Variants in ANHX observed in about 807,000 individuals in gnomAD.
ANHX encodes the protein anomalous homeobox, also known as anomalous homeobox protein.
Under a neutral mutation model 38.9 loss-of-function variants are expected in ANHX, and 20 were observed. The observed-to-expected ratio is 0.51, with a 90% CI of 0.36 to 0.75. The LOEUF (loss-of-function observed/expected upper bound fraction) is 0.75. ANHX is among the 30% of genes least tolerant of loss of function. The pLI, the probability that ANHX is intolerant of heterozygous loss-of-function variation, is 0.00. For missense variants in ANHX, 475 were observed against 493.1 expected (o/e 0.96, Z 0.35); for synonymous variants, 185 against 203.1 (o/e 0.91, Z 0.76).
At chr12:133,226,488 A>G in intron 5 of ANHX, 50 bp from the exon 6 acceptor site, 1 of 1,500,492 alleles carries the variant, frequency 6.7e-7, no homozygotes, top group South Asian at 1.3e-5. Flanking sequence ...CTGGTTCCCA[A>G]CCTCCTTCCC....
rs1490882001 is a variant in ANHX, at chr12:133,227,045, C to G, written c.609G>C (p.Gln203His). 6.5e-7 allele frequency: 1 copy of G among 1,536,062 alleles called. No individual in the cohort carries two copies. The highest frequency in any genetic ancestry group is 1.2e-5 in the South Asian group (1 of 84,058). Residue 203 changes from glutamine to histidine, a missense_variant, in exon 5 of 10, where the codon CAG becomes CAC. Transcript: ENST00000545940. ...CACCAGGGTCTTCAGCTGTGGCCTG[C>G]TGGGCTGGCTTCATGTGCTGGGGAA... ...RALPQHMKPA[Q>H]QATAEDPGAR...
chr12:133,226,001 AG>A (rs1957183975), intron 6 of ANHX, among the ~76,000 whole-genome samples, 173 bp from the exon 7 acceptor site: 1 of 152,182 alleles, frequency 6.6e-6, no homozygotes. Flanking sequence ...AACAAACCAC[AG>A]GGACAGCTGG....
At position 133,231,552 on chromosome 12, in the gene ANHX, C is replaced by T. The variant is rs1165214435; in HGVS notation, c.342G>A (p.Ala114=). The T allele has an allele frequency of 4.6e-6, 7 of 1,535,976 alleles. No individual in the cohort carries two copies. Among genetic ancestry groups the T allele is most frequent in the African/African-American group, 4.1e-5 (3 of 73,040 alleles). ...AGCGGAACTTCTGCACCGGGGTGAG[C>T]GCAGCCACGCCCAGCCTCCTCATGA... The part of the protein sequence containing the change: ...RLVMRRLGVA[A]LTPVQKFRCR... Residue 114 remains alanine (A), a synonymous_variant, in exon 3 of 10, where the codon GCG becomes GCA. Coordinates refer to ENST00000545940, the MANE Select transcript of ANHX (RefSeq NM_001372060.1).
chr12:133,232,170 A>T (rs994040189), intron 2 of ANHX, among the ~76,000 whole-genome samples: 1 of 77,312 alleles, frequency 1.3e-5, no homozygotes, highest in African/African-American at 4.6e-5. Context: ...TCCCTCAGGT[A>T]CTCGGCACAA....
chr12:133,220,692 C>G (rs1193455272), intron 8 of ANHX, among the ~76,000 whole-genome samples: 1 of 151,804 alleles, frequency 6.6e-6, no homozygotes, highest in Non-Finnish European at 1.5e-5. Context: ...CACCAGAGGA[C>G]CCCAGGCCAC....
chr12:133,223,095 A>T (rs1207064262), intron 7 of ANHX, among the ~76,000 whole-genome samples: 4 of 152,232 alleles, frequency 2.6e-5, no homozygotes, highest in African/African-American at 9.6e-5. Context: ...AGGCTGAGGC[A>T]GGAGAATCGC....
rs535214119 is a variant in ANHX at position 133,231,611 on chromosome 12, C to G, written c.283G>C (p.Val95Leu). ...CQVPGGSQELVQLWNDIHYRL... is the reference protein window; with the variant it reads ...CQVPGGSQELLQLWNDIHYRL... Reference sequence around the variant, plus strand: ...TAGTGGATGTCGTTCCAGAGCTGCACTAACTCCTGGCTGCCTCCCGGCACC... The same window carrying G: ...TAGTGGATGTCGTTCCAGAGCTGCAGTAACTCCTGGCTGCCTCCCGGCACC... Residue 95 changes from valine (V) to leucine (L), a missense_variant, in exon 3 of 10, where the codon GTG (valine) becomes CTG (leucine). Coordinates refer to ENST00000545940, the MANE Select transcript of ANHX (RefSeq NM_001372060.1). 3.3e-6 allele frequency: 5 copies of G among 1,536,104 alleles called. No homozygotes were observed. Among genetic ancestry groups the G allele is most frequent in the Admixed American group, 2.0e-5 (1 of 51,012 alleles).
intron 7 of ANHX, among the ~76,000 whole-genome samples, chr12:133,223,942 T>C (rs1292862058): frequency 2.0e-5 from 3 of 152,146 alleles, no homozygotes; most frequent in Non-Finnish European, 4.4e-5. Flanking sequence ...CCTTGCAAAA[T>C]TGTTAACCAA....
In ANHX at chr12:133,234,223, G is replaced by C; in HGVS notation, c.134C>G (p.Ala45Gly). The C allele has an allele frequency of 6.5e-7, 1 of 1,536,184 alleles. No homozygotes were observed. The highest frequency in any genetic ancestry group is 2.0e-5 in the Admixed American group (1 of 51,012). ...CAGGCGGAGCTGGCTGTCCAGAATG[G>C]CTGTGACCAAAGGCTGCAGTTGGGC... ...DLAQLQPLVT[A>G]ILDSQLRLHL... Residue 45 changes from alanine to glycine, a missense_variant, in exon 2 of 10, where the codon GCC (alanine) becomes GGC (glycine). Coordinates refer to ENST00000545940, the MANE Select transcript of ANHX (RefSeq NM_001372060.1).
chr12:133,222,431 G>A (rs1313229277), intron 7 of ANHX, among the ~76,000 whole-genome samples: 2 of 152,268 alleles, frequency 1.3e-5, no homozygotes, highest in East Asian at 3.9e-4. Flanking sequence ...GGAACCCGAA[G>A]GCAGGGGTTT....
At chr12:133,227,330 G>A (rs1957203648) in intron 4 of ANHX, among the ~76,000 whole-genome samples, 178 bp from the exon 5 acceptor site, 1 of 152,204 alleles carries the variant, frequency 6.6e-6, no homozygotes, top group Non-Finnish European at 1.5e-5. Context: ...CACCTCCCTG[G>A]GCTGATCCCC....
At chr12:133,229,501 T>G (rs565283280) in intron 3 of ANHX, among the ~76,000 whole-genome samples, 8 of 151,342 alleles carry the variant, frequency 5.3e-5, no homozygotes, top group Non-Finnish European at 1.0e-4. Context: ...AGCCCTGGAG[T>G]CTACTTTAGC....
In ANHX at chr12:133,221,106, A is replaced by T; in HGVS notation, c.1280+99T>A. 7.1e-7 allele frequency: 1 copy of T among 1,412,274 alleles called. No homozygotes were observed. Among genetic ancestry groups the T allele is most frequent in the Non-Finnish European group, 9.4e-7 (1 of 1,064,110 alleles). The allele number at this position is 1,412,274 out of a possible 1,614,324, so 87.5% of individuals were successfully genotyped here. A position where few individuals can be genotyped will look rare whatever the true frequency, so the allele number is the denominator to read the frequency against. On this transcript the variant is annotated intron_variant, in intron 8 of 9. Transcript: ENST00000545940. This position sits in a 1 kb window ranked among gnomAD's most constrained non-coding sequence, Gnocchi z 4.1. Reference sequence around the variant, plus strand: ...TCAGCAATCCAAAGGAGAGGACCCTATCTGCACAGTCCGGGACGGTGAGTC... The same window carrying T: ...TCAGCAATCCAAAGGAGAGGACCCTTTCTGCACAGTCCGGGACGGTGAGTC...
intron 2 of ANHX, among the ~76,000 whole-genome samples, chr12:133,233,090 G>C (rs945030474): frequency 1.3e-5 from 2 of 152,222 alleles, no homozygotes; most frequent in African/African-American, 4.8e-5. Flanking sequence ...CTCTAACAGA[G>C]GAAAGACACC....
intron 2 of ANHX, among the ~76,000 whole-genome samples, 171 bp downstream of exon 2, chr12:133,233,937 G>A (rs146427235): frequency 2.2e-4 from 34 of 152,380 alleles, no homozygotes; most frequent in African/African-American, 7.7e-4. Flanking sequence ...TGAGAGCGGA[G>A]TAAGGTTACA....
At chr12:133,231,763 G>C in intron 2 of ANHX, 119 bp from the exon 3 acceptor site, 8 of 1,282,486 alleles carry the variant, frequency 6.2e-6, no homozygotes, top group Non-Finnish European at 8.4e-6. Context: ...GAAGAGCAGG[G>C]TTCTGGGTTC....
chr12:133,219,706 G>A (rs2135546180), intron 8 of ANHX, among the ~76,000 whole-genome samples: 1 of 152,208 alleles, frequency 6.6e-6, no homozygotes, highest in South Asian at 2.1e-4. Context: ...AAGGGGCGGT[G>A]GTTCTTCAGC....
At position 133,223,595 on chromosome 12, in the gene ANHX, C is replaced by T. The variant is rs190025344; in HGVS notation, c.1132+1941G>A. Among the ~76,000 whole-genome samples the T allele has an allele frequency of 3.1e-3, 477 of 151,984 alleles. 1 individual carries two copies. Among genetic ancestry groups the T allele is most frequent in the African/African-American group, 0.01 (425 of 41,432 alleles). On this transcript the variant is annotated intron_variant, in intron 7 of 9. Transcript: ENST00000545940. ...CAACTAGGTGGGACAACAGGCACCA[C>T]CACCATGCCCAGCTGATTTTTAAAT...
At chr12:133,232,042 T>C (rs146469593) in intron 2 of ANHX, among the ~76,000 whole-genome samples, 11,806 of 151,962 alleles carry the variant, frequency 0.078, 1,524 homozygotes, top group African/African-American at 0.27. Flanking sequence ...TGACTCTCTT[T>C]TGGCCAACAG....
Sources: gnomAD v4.1 joint callset for allele counts (sites outside exome capture counted in the v4.1 genomes callset) on GRCh38, gnomAD v4.1.1 for gene constraint, Gnocchi (gnomAD v3.1) non-coding constraint, MANE v1.5 for transcripts, NCBI Gene and HGNC (gene_info 2026-07-23, HGNC 2026-07-21) for gene names.